The following LRRTM4 variants were observed in gnomAD, a reference collection of about 807,000 sequenced individuals.
LRRTM4 encodes the protein leucine rich repeat transmembrane neuronal 4.
LRRTM4 carries 25 observed loss-of-function variants against 47.6 expected under a neutral mutation model. The ratio of observed to expected loss-of-function variants is 0.53; its 90% CI spans 0.38 to 0.73. LRRTM4 has a LOEUF of 0.73. Among genes scored for constraint, LRRTM4 ranks in the 30% least tolerant of loss-of-function variants. The probability of loss-of-function intolerance (pLI) is 0.00; values close to 1 mark genes in which losing one functional copy is unlikely to be tolerated. For synonymous variants in LRRTM4, 311 were observed against 269.5 expected, an observed-to-expected ratio of 1.15 and a Z score of -1.51; for missense variants, 638 against 713.4, an observed-to-expected ratio of 0.89 and a Z score of 1.20.
At chr2:77,375,221 T>C (rs1001634003) in intron 3 of LRRTM4, among the ~76,000 whole-genome samples, 3 of 151,814 alleles carry the variant, frequency 2.0e-5, no homozygotes, top group Admixed American at 6.6e-5. Context: ...TAAATTCTAC[T>C]AGGAACAGTT....
At chr2:77,033,621 T>C (rs577933729) in intron 3 of LRRTM4, among the ~76,000 whole-genome samples, 2 of 151,968 alleles carry the variant, frequency 1.3e-5, no homozygotes, top group Non-Finnish European at 2.9e-5. Context: ...GCTCTTAGTT[T>C]AGATTATAAT....
chr2:77,317,476 T>C (rs1002691987), intron 3 of LRRTM4, among the ~76,000 whole-genome samples: 1 of 152,218 alleles, frequency 6.6e-6, no homozygotes, highest in African/African-American at 2.4e-5. Flanking sequence ...TCATTAACCT[T>C]TATACGTTTG....
In LRRTM4 at chr2:77,518,740, T is replaced by A. The variant is rs199681911; in HGVS notation, c.1129A>T (p.Thr377Ser). Residue 377 changes from threonine (T) to serine (S), a missense_variant, in exon 3 of 4, where the codon ACT becomes TCT. Physicochemically the swap from Thr to Ser is moderately conservative, Grantham distance 58. Transcript: ENST00000409884. The part of the protein sequence containing the change: ...NTERSHLVPQ[T>S]PQKPLIIPRP... ...GGGATAATCAGAGGTTTCTGGGGAGTTTGGGGCACCAGGTGTGATCTTTCT... is the reference window on the plus strand; with the variant it reads ...GGGATAATCAGAGGTTTCTGGGGAGATTGGGGCACCAGGTGTGATCTTTCT... The A allele has an allele frequency of 5.3e-4, 853 of 1,613,202 alleles. 5 individuals are homozygous for A. Among genetic ancestry groups the A allele is most frequent in the Non-Finnish European group, 1.3e-4 (149 of 1,179,596 alleles).
At chr2:77,268,896 C>G (rs972340901) in intron 3 of LRRTM4, among the ~76,000 whole-genome samples, 1 of 152,058 alleles carries the variant, frequency 6.6e-6, no homozygotes. Context: ...AATGCCTCTC[C>G]GGGAATACTT....
intron 3 of LRRTM4, among the ~76,000 whole-genome samples, chr2:76,965,399 A>G (rs143424469): frequency 6.6e-4 from 100 of 151,408 alleles, no homozygotes; most frequent in African/African-American, 2.3e-3. Context: ...GATTCAAAAT[A>G]TGAAAATCAA....
At chr2:77,321,023 A>C (rs1038019003) in intron 3 of LRRTM4, among the ~76,000 whole-genome samples, 6 of 152,132 alleles carry the variant, frequency 3.9e-5, no homozygotes, top group Non-Finnish European at 8.8e-5. Context: ...TAGACTTTGC[A>C]TTATGTCATG....
intron 3 of LRRTM4, among the ~76,000 whole-genome samples, chr2:76,911,561 C>G (rs1674056550): frequency 6.6e-6 from 1 of 151,914 alleles, no homozygotes; most frequent in African/African-American, 2.4e-5. Context: ...ATTACTGTGT[C>G]CTTGAATGGA....
At chr2:77,187,644 A>G (rs1003355065) in intron 3 of LRRTM4, among the ~76,000 whole-genome samples, 2 of 152,102 alleles carry the variant, frequency 1.3e-5, no homozygotes, top group Non-Finnish European at 2.9e-5. Context: ...ACAAAAAACA[A>G]AATACAAAAA....
intron 3 of LRRTM4, among the ~76,000 whole-genome samples, chr2:77,065,689 A>T (rs2103812098): frequency 6.6e-6 from 1 of 152,316 alleles, no homozygotes; most frequent in South Asian, 2.1e-4. Flanking sequence ...CACAGGAACA[A>T]GACATTTTGC....
intron 3 of LRRTM4, among the ~76,000 whole-genome samples, chr2:77,132,647 A>T (rs908792416): frequency 6.6e-6 from 1 of 152,202 alleles, no homozygotes; most frequent in Non-Finnish European, 1.5e-5. Flanking sequence ...TCACATGGTG[A>T]AAGAGCAGAA....
intron 3 of LRRTM4, among the ~76,000 whole-genome samples, chr2:77,094,244 A>G (rs1472064210): frequency 2.0e-5 from 3 of 152,224 alleles, no homozygotes; most frequent in Admixed American, 1.3e-4. Flanking sequence ...AAAGAGCTGT[A>G]CAATCAACTA....
At chr2:76,894,896 C>T (rs1383010894) in intron 3 of LRRTM4, among the ~76,000 whole-genome samples, 1 of 150,912 alleles carries the variant, frequency 6.6e-6, no homozygotes. Flanking sequence ...CTCATATCTG[C>T]ACATAGCTAT....
At position 77,292,269 on chromosome 2, in the gene LRRTM4, C is replaced by T. The variant is rs1447966999; in HGVS notation, c.1551+226049G>A. Among the ~76,000 whole-genome samples the T allele has an allele frequency of 2.0e-5, 3 of 150,460 alleles. No homozygotes were observed. The East Asian group carries it at 5.9e-4, about 29-fold the overall frequency. Reference sequence around the variant, plus strand: ...TGGTGGGACTGTAAACTAGTTCAACCATTGTGGAAGTCAGTGTGGTGATTC... The same window carrying T: ...TGGTGGGACTGTAAACTAGTTCAACTATTGTGGAAGTCAGTGTGGTGATTC... On this transcript the variant is annotated intron_variant, in intron 3 of 3. Coordinates refer to ENST00000409884, the MANE Select transcript of LRRTM4 (RefSeq NM_001134745.3).
At chr2:76,761,334 C>A (rs1673246838) in intron 3 of LRRTM4, among the ~76,000 whole-genome samples, 1 of 152,192 alleles carries the variant, frequency 6.6e-6, no homozygotes, top group Non-Finnish European at 1.5e-5. Context: ...CAATTTGAGC[C>A]TCTTCACTTG....
chr2:76,965,383 A>C (rs905077229), intron 3 of LRRTM4, among the ~76,000 whole-genome samples: 1 of 151,338 alleles, frequency 6.6e-6, no homozygotes, highest in Non-Finnish European at 1.5e-5. Context: ...TCAGCTAGGC[A>C]AGGTTGATTC....
intron 3 of LRRTM4, among the ~76,000 whole-genome samples, chr2:76,795,948 G>C (rs1305003160): frequency 6.6e-6 from 1 of 151,152 alleles, no homozygotes; most frequent in Admixed American, 6.6e-5. Context: ...GCGCAGGTCA[G>C]TGGGTGCGCG....
intron 3 of LRRTM4, among the ~76,000 whole-genome samples, chr2:76,756,583 T>C (rs1263967631): frequency 1.3e-5 from 2 of 152,150 alleles, no homozygotes; most frequent in African/African-American, 4.8e-5. Flanking sequence ...ACAAAATCTC[T>C]CTCCCTACTG....
intron 3 of LRRTM4, among the ~76,000 whole-genome samples, chr2:76,916,222 T>A (rs910867552): frequency 6.6e-6 from 1 of 150,900 alleles, no homozygotes; most frequent in Admixed American, 6.6e-5. Flanking sequence ...AAAAAATATG[T>A]ATGGTCCAAA....
At chr2:77,358,107 G>C (rs1672040200) in intron 3 of LRRTM4, among the ~76,000 whole-genome samples, 1 of 152,002 alleles carries the variant, frequency 6.6e-6, no homozygotes, top group Non-Finnish European at 1.5e-5. Context: ...GTAGTGTTTT[G>C]TTTATATTTT....
Sources: allele counts gnomAD v4.1 joint callset (sites outside exome capture counted in the v4.1 genomes callset), GRCh38; gene constraint gnomAD v4.1.1; transcripts MANE v1.5; gene names NCBI Gene and HGNC (gene_info 2026-07-23, HGNC 2026-07-21).